MICALL1: variants seen among roughly 807,000 people sequenced by gnomAD.
The protein encoded by MICALL1 is MICAL-like protein 1.
MICALL1 carries 61 observed loss-of-function variants against 83.7 expected under a neutral mutation model. The observed-to-expected ratio is 0.73, with a 90% CI of 0.59 to 0.90. The LOEUF (loss-of-function observed/expected upper bound fraction) is 0.90, where lower values mean the gene tolerates loss of function less well. Ranked by LOEUF, MICALL1 falls within the 40% of genes least tolerant of loss-of-function variation. The probability of loss-of-function intolerance (pLI) is 0.00; values close to 1 mark genes in which losing one functional copy is unlikely to be tolerated. For synonymous variants in MICALL1, 481 were observed against 473.6 expected (o/e 1.02, Z -0.20); for missense variants, 1,066 against 1,152.0 (o/e 0.93, Z 1.08).
At chr22:37,938,399 CT>C (rs1293337463) in intron 15 of MICALL1, among the ~76,000 whole-genome samples, 2 of 119,564 alleles carry the variant, frequency 1.7e-5, no homozygotes, top group African/African-American at 6.7e-5. Context: ...GAGACTCAGT[CT>C]CAAAAAAAAA....
intron 8 of MICALL1, 74 bp from the exon 9 acceptor site, chr22:37,927,337 G>A: frequency 7.0e-7 from 1 of 1,434,864 alleles, no homozygotes; most frequent in Non-Finnish European, 9.2e-7. Context: ...TCTGTTGAGA[G>A]TGGAGCCGGG....
chr22:37,936,291 A>G (rs1210952457), intron 13 of MICALL1, among the ~76,000 whole-genome samples: 1 of 152,168 alleles, frequency 6.6e-6, no homozygotes, highest in Non-Finnish European at 1.5e-5. Flanking sequence ...ACCTTCCTCC[A>G]CAGCCTTGGA....
intron 2 of MICALL1, 45 bp downstream of exon 2, chr22:37,912,045 GTGT>G: frequency 1.9e-6 from 1 of 515,738 alleles, no homozygotes; most frequent in South Asian, 3.0e-5. Flanking sequence ...CTGTGTATGT[GTGT>G]GTGTGTGTGT....
rs79952829 is a variant in MICALL1 at position 37,918,495 on chromosome 22, G to A, written c.427-541G>A. On this transcript the variant is annotated intron_variant, in intron 4 of 15. Transcript: ENST00000215957. ...GGTACATGGGGCTGAGGCTGGCAGG[G>A]GTTATACAGTTTCATTCTGCAGGTG... 3.1e-3 allele frequency among the ~76,000 whole-genome samples: 479 copies of A among 152,330 alleles called. 1 individual carries two copies. The highest frequency in any genetic ancestry group is 0.011 in the African/African-American group (450 of 41,570).
rs528289733 is a variant in MICALL1, at chr22:37,932,713, G to A, written c.2143+34G>A. The A allele has an allele frequency of 6.2e-6, 10 of 1,612,118 alleles. No homozygotes were observed. In the African/African-American group the frequency reaches 8.0e-5, roughly 13 times the overall value. ...GCGGCTGGGAGGGCCTGCTGGGTGGGGCTGGGGGCAGGAGCCTCTATTCCC... is the reference window on the plus strand; with the variant it reads ...GCGGCTGGGAGGGCCTGCTGGGTGGAGCTGGGGGCAGGAGCCTCTATTCCC... On this transcript the variant is annotated intron_variant, in intron 11 of 15. Coordinates refer to ENST00000215957, the MANE Select transcript of MICALL1 (RefSeq NM_033386.4). This position sits in a 1 kb window ranked among gnomAD's most constrained non-coding sequence, Gnocchi z 4.4.
intron 6 of MICALL1, among the ~76,000 whole-genome samples, chr22:37,923,055 C>T (rs1365440055): frequency 6.6e-6 from 1 of 151,978 alleles, no homozygotes; most frequent in Admixed American, 6.6e-5. Flanking sequence ...CCTGCCTCAG[C>T]CTCTTGAGTA....
At chr22:37,919,014 T>TC (rs1257785842) in intron 4 of MICALL1, 22 bp from the exon 5 acceptor site, 2 of 1,528,170 alleles carry the variant, frequency 1.3e-6, no homozygotes, top group African/African-American at 2.8e-5. Flanking sequence ...GCTCCCAACC[T>TC]CCCCCACCTC....
In MICALL1 at chr22:37,941,122, C is replaced by T. The variant is rs191583227; in HGVS notation, c.*292C>T. 1.0e-2 allele frequency: 2,872 copies of T among 288,118 alleles called. 79 individuals are homozygous for T. Among genetic ancestry groups the T allele is most frequent in the Admixed American group, 0.064 (1,586 of 24,684 alleles). 17.8% of individuals were successfully genotyped at this position (288,118 alleles called of 1,614,324 possible). A position where few individuals can be genotyped will look rare whatever the true frequency, so the allele number is the denominator to read the frequency against. On this transcript the variant is annotated 3_prime_UTR_variant, in exon 16 of 16. Transcript: ENST00000215957. ...AAGGGGCAAATAGGGTCCCAGGGTC[C>T]AGGGAGGGGCGCCTGCTGAGCACTT...
chr22:37,922,303 C>A lies in MICALL1; in HGVS notation c.901C>A (p.Pro301Thr). The A allele has an allele frequency of 6.5e-7, 1 of 1,542,446 alleles. No individual in the cohort carries two copies. The highest frequency in any genetic ancestry group is 8.7e-7 in the Non-Finnish European group (1 of 1,144,560). ...QELASPPAGRPTPAPRKASES... is the reference protein window; with the variant it reads ...QELASPPAGRTTPAPRKASES... ...GCTGGCCAGCCCCCCTGCGGGCCGC[C>A]CCACCCCTGCCCCCAGGAAGGCCTC... Residue 301 changes from proline (P) to threonine (T), a missense_variant, in exon 6 of 16, where the codon CCC (proline) becomes ACC (threonine). Physicochemically the swap from Pro to Thr is conservative, Grantham distance 38. Coordinates refer to ENST00000215957, the MANE Select transcript of MICALL1 (RefSeq NM_033386.4).
intron 9 of MICALL1, among the ~76,000 whole-genome samples, chr22:37,929,709 T>G (rs1418195176): frequency 6.6e-6 from 1 of 152,200 alleles, no homozygotes. Flanking sequence ...GCTCAGTACT[T>G]TCCTCTGGGC....
chr22:37,937,326 C>G, intron 14 of MICALL1, 132 bp downstream of exon 14: 1 of 707,108 alleles, frequency 1.4e-6, no homozygotes, highest in South Asian at 2.0e-5. Flanking sequence ...GCCCTGCCCT[C>G]CTACCAGCGA....
chr22:37,927,664 A>G lies in MICALL1; in HGVS notation c.1719A>G (p.Gln573=), dbSNP rs1293365944. Residue 573 remains glutamine (Q), a synonymous_variant, in exon 9 of 16, where the codon CAA becomes CAG. Coordinates refer to ENST00000215957, the MANE Select transcript of MICALL1 (RefSeq NM_033386.4). ...AACTAGTGGAGCCTAGAGTGGAACA[A>G]ATGCCTCAAGCCAGCCCTGGCCTTG... The part of the protein sequence containing the change: ...SGELVEPRVE[Q]MPQASPGLAP... The G allele has an allele frequency of 6.2e-7, 1 of 1,613,962 alleles. No homozygotes were observed. The highest frequency in any genetic ancestry group is 2.2e-5 in the East Asian group (1 of 44,870).
chr22:37,906,778 C>A lies in MICALL1; in HGVS notation c.146+210C>A. The A allele has an allele frequency of 4.3e-6, 1 of 230,274 alleles. No individual in the cohort carries two copies. The highest frequency in any genetic ancestry group is 8.0e-6 in the Non-Finnish European group (1 of 124,276). 14.3% of individuals were successfully genotyped at this position (230,274 alleles called of 1,614,324 possible). Reference sequence around the variant, plus strand: ...CCCGCCCGGCCGCCCTGACCCCGCCCGTGGGATCCCGAACTCTCCCCCGAG... The same window carrying A: ...CCCGCCCGGCCGCCCTGACCCCGCCAGTGGGATCCCGAACTCTCCCCCGAG... On this transcript the variant is annotated intron_variant, in intron 1 of 15. Coordinates refer to ENST00000215957, the MANE Select transcript of MICALL1 (RefSeq NM_033386.4). The surrounding 1 kb of genome is among the most constrained non-coding windows in gnomAD (Gnocchi z 4.4).
At position 37,932,369 on chromosome 22, in the gene MICALL1, T is replaced by C. The variant is rs556967391; in HGVS notation, c.2017-184T>C. Among the ~76,000 whole-genome samples the C allele has an allele frequency of 2.0e-5, 3 of 152,154 alleles. No individual in the cohort carries two copies. Among genetic ancestry groups the C allele is most frequent in the African/African-American group, 7.2e-5 (3 of 41,454 alleles). ...TCTGTTGGTGCTGGGACCAGTGGCA[T>C]GCAGGGTTGTGGCTGTCCCCACACT... On this transcript the variant is annotated intron_variant, in intron 10 of 15. Coordinates refer to ENST00000215957, the MANE Select transcript of MICALL1 (RefSeq NM_033386.4). The surrounding 1 kb of genome is among the most constrained non-coding windows in gnomAD (Gnocchi z 4.4).
At chr22:37,917,016 C>T (rs935548070) in intron 3 of MICALL1, among the ~76,000 whole-genome samples, 11 of 152,050 alleles carry the variant, frequency 7.2e-5, no homozygotes, top group African/African-American at 2.7e-4. Flanking sequence ...TGATTATAGG[C>T]GCGCACCACC....
At chr22:37,934,677 A>G (rs1601834396) in intron 13 of MICALL1, among the ~76,000 whole-genome samples, 3 of 150,722 alleles carry the variant, frequency 2.0e-5, no homozygotes, top group African/African-American at 7.3e-5. Context: ...GCTCACTGCA[A>G]GCTCTGCCTC....
At position 37,942,279 on chromosome 22, in the gene MICALL1, GC is replaced by G. The variant is rs1485854340; in HGVS notation, c.*1451del. The G allele has an allele frequency of 6.6e-6, 1 of 152,232 alleles. No homozygotes were observed. Among genetic ancestry groups the G allele is most frequent in the African/African-American group, 2.4e-5 (1 of 41,466 alleles). The allele number at this position is 152,232 out of a possible 1,614,324, so 9.4% of individuals were successfully genotyped here. A position where few individuals can be genotyped will look rare whatever the true frequency, so the allele number is the denominator to read the frequency against. ...CCACCAACTCCAGGGCCTTTCCAGG[GC>G]CAGACAGGTAACACGCATGAACCCG... On this transcript the variant is annotated 3_prime_UTR_variant, in exon 16 of 16. Coordinates refer to ENST00000215957, the MANE Select transcript of MICALL1 (RefSeq NM_033386.4).
chr22:37,934,168 G>A (rs1929954925), intron 13 of MICALL1, among the ~76,000 whole-genome samples: 1 of 152,222 alleles, frequency 6.6e-6, no homozygotes, highest in Admixed American at 6.5e-5. Context: ...TCCAGCCCCC[G>A]TGTGGTGGCT....
chr22:37,936,033 A>T, intron 13 of MICALL1, among the ~76,000 whole-genome samples: 1 of 152,042 alleles, frequency 6.6e-6, no homozygotes, highest in South Asian at 2.1e-4. Flanking sequence ...CCGGCCTAGG[A>T]TATTTATTTG....
Sources: gnomAD v4.1 joint callset for allele counts (sites outside exome capture counted in the v4.1 genomes callset) on GRCh38, gnomAD v4.1.1 for gene constraint, Gnocchi (gnomAD v3.1) non-coding constraint, MANE v1.5 for transcripts, NCBI Gene and HGNC (gene_info 2026-07-23, HGNC 2026-07-21) for gene names.